The following CEP131 variants were observed in gnomAD, a reference collection of about 807,000 sequenced individuals.
The protein encoded by CEP131 is centrosomal protein 131, also known as centrosomal protein of 131 kDa.
CEP131 carries 99 observed loss-of-function variants against 136.8 expected under a neutral mutation model. The ratio of observed to expected loss-of-function variants is 0.72; its 90% CI spans 0.62 to 0.86. The LOEUF is 0.86. Ranked by LOEUF, CEP131 falls within the 40% of genes least tolerant of loss-of-function variation. CEP131 has a pLI of 0.00. For synonymous variants in CEP131, 646 were observed against 612.7 expected, an observed-to-expected ratio of 1.05 and a Z score of -0.80; for missense variants, 1,459 against 1,463.0, an observed-to-expected ratio of 1.00 and a Z score of 0.04.
chr17:81,198,081 C>G (rs1420549938), intron 12 of CEP131, 34 bp downstream of exon 12: 1 of 1,522,902 alleles, frequency 6.6e-7, no homozygotes, highest in Admixed American at 2.0e-5. Flanking sequence ...CGTGGGTGGA[C>G]AGACTGTGCA....
rs1247826957 is a variant in CEP131, at chr17:81,208,488, G to T, written c.272+440C>A. Among the ~76,000 whole-genome samples the T allele has an allele frequency of 6.6e-6, 1 of 152,202 alleles. No individual in the cohort carries two copies. The highest frequency in any genetic ancestry group is 1.9e-4 in the East Asian group (1 of 5,190). Reference sequence around the variant, plus strand: ...GGGCCATTGAGGCAGCTCCTCCCCAGCCCGCTGGTTTGGAGGCCGCAAGGG... The same window carrying T: ...GGGCCATTGAGGCAGCTCCTCCCCATCCCGCTGGTTTGGAGGCCGCAAGGG... On this transcript the variant is annotated intron_variant, in intron 3 of 25. Coordinates refer to ENST00000450824, the MANE Select transcript of CEP131 (RefSeq NM_014984.4). This position sits in a 1 kb window ranked among gnomAD's most constrained non-coding sequence, Gnocchi z 5.6.
rs772877894 is a variant in CEP131, at chr17:81,192,803, G to A, written c.2362C>T (p.Gln788Ter). ...HLEQEQWALQ[Q>*]QRQRLYSEVA... is the part of the protein sequence containing the mutation. ...TCACTGTACAGCCGCTGCCGTTGCT[G>A]CTGCAGCGCCCACTGCTCCTGCTCC... The change falls in exon 19 of 26, where the codon CAG (glutamine) becomes TAG (stop). Residue 788 changes from glutamine (Q) to a stop codon, truncating the protein, a stop_gained. Transcript: ENST00000450824. LOFTEE classifies it high-confidence loss of function. 1 of 1,598,250 alleles carries A rather than the reference G, an allele frequency of 6.3e-7. No homozygotes were observed. The highest frequency in any genetic ancestry group is 8.5e-7 in the Non-Finnish European group (1 of 1,178,838).
chr17:81,199,224 G>A (rs763029448), intron 10 of CEP131, among the ~76,000 whole-genome samples, 157 bp downstream of exon 10: 5 of 152,174 alleles, frequency 3.3e-5, no homozygotes, highest in African/African-American at 9.6e-5. Flanking sequence ...CGGCACCCTC[G>A]TCAGGTCAGC....
intron 13 of CEP131, 26 bp from the exon 14 acceptor site, chr17:81,197,081 G>A (rs765884474): frequency 3.6e-5 from 56 of 1,571,896 alleles, no homozygotes; most frequent in Non-Finnish European, 4.6e-5. Flanking sequence ...AGCGTCAGGC[G>A]GAAGCGGCAG....
At chr17:81,202,138 G>T in intron 7 of CEP131, 102 bp downstream of exon 7, 3 of 585,896 alleles carry the variant, frequency 5.1e-6, no homozygotes, top group Non-Finnish European at 7.3e-6. Flanking sequence ...ATTATTAAAT[G>T]GAAATTTCTA....
At chr17:81,192,277 C>A in intron 21 of CEP131, 41 bp downstream of exon 21, 2 of 1,537,290 alleles carry the variant, frequency 1.3e-6, no homozygotes, top group South Asian at 2.4e-5. Flanking sequence ...CCACGCAGGG[C>A]AGCCCCCAAC....
At chr17:81,214,812 G>A (rs1049727558) in intron 2 of CEP131, among the ~76,000 whole-genome samples, 22 of 151,956 alleles carry the variant, frequency 1.4e-4, no homozygotes, top group Non-Finnish European at 2.6e-4. Context: ...TCGCTCTGTC[G>A]CCCAGGGTGG....
At position 81,202,414 on chromosome 17, in the gene CEP131, A is replaced by T; in HGVS notation, c.630-16T>A. On this transcript the variant is annotated splice_polypyrimidine_tract_variant and intron_variant, in intron 6 of 25. Coordinates refer to ENST00000450824, the MANE Select transcript of CEP131 (RefSeq NM_014984.4). ...GATGATGTTGCTGACAGGTAAGAAGAAAACACCCTCGTCTCACCGCCCAGG... is the reference window on the plus strand; with the variant it reads ...GATGATGTTGCTGACAGGTAAGAAGTAAACACCCTCGTCTCACCGCCCAGG... The T allele has an allele frequency of 6.2e-7, 1 of 1,610,742 alleles. No individual in the cohort carries two copies. Among genetic ancestry groups the T allele is most frequent in the Non-Finnish European group, 8.5e-7 (1 of 1,179,122 alleles).
At chr17:81,193,787 G>T in intron 18 of CEP131, 139 bp downstream of exon 18, 1 of 990,476 alleles carries the variant, frequency 1.0e-6, no homozygotes, top group Non-Finnish European at 1.4e-6. Context: ...CCACTCCAGG[G>T]CCAAGGGCCC....
chr17:81,192,991 C>A (rs2061677433), intron 18 of CEP131, 148 bp from the exon 19 acceptor site: 1 of 1,329,464 alleles, frequency 7.5e-7, no homozygotes, highest in Middle Eastern at 2.7e-4. Context: ...GCAGTCAAGG[C>A]CCCTCAAAGC....
intron 2 of CEP131, among the ~76,000 whole-genome samples, chr17:81,218,327 G>C (rs1459800255): frequency 6.6e-6 from 1 of 152,236 alleles, no homozygotes; most frequent in African/African-American, 2.4e-5. Context: ...ACGGGCGTGA[G>C]CCACCTCGCC....
At position 81,220,003 on chromosome 17, in the gene CEP131, C is replaced by T. The variant is rs754334203; in HGVS notation, c.54G>A (p.Val18=). The part of the protein sequence containing the change: ...GSVPERSPAG[V]DLSLTGLPPP... ...GAGGGAGACCTGTCAGACTCAGGTC[C>T]ACACCTGCTGGGCTGCGCTCCGGGA... is the stretch of plus-strand genomic sequence containing the variant. The change falls in exon 2 of 26, where the codon GTG becomes GTA. Residue 18 remains valine (V), a synonymous_variant. Transcript: ENST00000450824. The T allele has an allele frequency of 8.7e-6, 14 of 1,611,380 alleles. No homozygotes were observed. The highest frequency in any genetic ancestry group is 3.4e-6 in the Non-Finnish European group (4 of 1,179,108).
In CEP131 at chr17:81,192,570, A is replaced by G; in HGVS notation, c.2453T>C (p.Leu818Pro). ...AARQRAELEELRQQLEESSSA... is the reference protein window; with the variant it reads ...AARQRAELEEPRQQLEESSSA... ...GCTGCTCTCCTCCAGCTGCTGCCTC[A>G]GCTCTTCCAGCTCCGCCCGCTGCCT... The change falls in exon 20 of 26, where the codon CTG becomes CCG. Residue 818 changes from leucine to proline, a missense_variant. This residue lies in a region of CEP131 where 1,026 missense variants were observed against 964.2 expected (regional missense o/e 1.06). Coordinates refer to ENST00000450824, the MANE Select transcript of CEP131 (RefSeq NM_014984.4). 1 of 1,608,082 alleles carries G rather than the reference A, an allele frequency of 6.2e-7. No individual in the cohort carries two copies. Among genetic ancestry groups the G allele is most frequent in the South Asian group, 1.1e-5 (1 of 90,558 alleles).
chr17:81,190,861 A>C (rs1416828156), intron 23 of CEP131, 46 bp downstream of exon 23: 2 of 1,593,598 alleles, frequency 1.3e-6, no homozygotes, highest in East Asian at 4.5e-5. Context: ...TGCATGCAGG[A>C]GGGGCCTGTG....
At chr17:81,199,267 G>A in intron 10 of CEP131, 114 bp downstream of exon 10, 1 of 1,268,648 alleles carries the variant, frequency 7.9e-7, no homozygotes, top group Non-Finnish European at 1.1e-6. Context: ...CGAGGACTGG[G>A]GCCGCCAACA....
At chr17:81,190,092 AC>A in intron 24 of CEP131, 117 bp from the exon 25 acceptor site, 1 of 919,968 alleles carries the variant, frequency 1.1e-6, no homozygotes, top group Non-Finnish European at 1.6e-6. Context: ...AGCCCTGCTG[AC>A]CACGACTCCT....
chr17:81,203,879 G>A lies in CEP131; in HGVS notation c.516-272C>T. The A allele has an allele frequency of 2.3e-6, 1 of 436,784 alleles. No homozygotes were observed. The highest frequency in any genetic ancestry group is 4.2e-6 in the Non-Finnish European group (1 of 239,906). The allele number at this position is 436,784 out of a possible 1,614,324, so 27.1% of individuals were successfully genotyped here. On this transcript the variant is annotated intron_variant, in intron 5 of 25. Coordinates refer to ENST00000450824, the MANE Select transcript of CEP131 (RefSeq NM_014984.4). The surrounding 1 kb of genome is among the most constrained non-coding windows in gnomAD (Gnocchi z 4.6). ...AACGCTGGACGTGCCCAAGACGGGGGGAGCAGCTCAGGCCAGCAGCTCACA... is the reference window on the plus strand; with the variant it reads ...AACGCTGGACGTGCCCAAGACGGGGAGAGCAGCTCAGGCCAGCAGCTCACA...
At chr17:81,207,346 TAGC>T (rs2062030417) in intron 3 of CEP131, 107 bp from the exon 4 acceptor site, 1 of 902,536 alleles carries the variant, frequency 1.1e-6, no homozygotes, top group Non-Finnish European at 1.7e-6. Context: ...GCTGAGGCAC[TAGC>T]AGCAACTCTG....
At chr17:81,212,771 C>T (rs2659003) in intron 2 of CEP131, among the ~76,000 whole-genome samples, 3 of 152,068 alleles carry the variant, frequency 2.0e-5, no homozygotes, top group South Asian at 2.1e-4. Context: ...CAGCAAGCGT[C>T]GGGGGGGCGA....
Sources: allele counts gnomAD v4.1 joint callset (sites outside exome capture counted in the v4.1 genomes callset), GRCh38; gene constraint gnomAD v4.1.1; regional missense constraint gnomAD v4.1.1; non-coding constraint Gnocchi (gnomAD v3.1); transcripts MANE v1.5; gene names NCBI Gene and HGNC (gene_info 2026-07-23, HGNC 2026-07-21).